GALM: variants seen among roughly 807,000 people sequenced by gnomAD.
The protein encoded by GALM is galactose mutarotase, also known as aldose 1-epimerase.
In GALM, 43 loss-of-function variants were observed where a neutral mutation model predicts 37.4. The ratio of observed to expected loss-of-function variants is 1.15; its 90% CI spans 0.90 to 1.48. The LOEUF is 1.48. Ranked by LOEUF, GALM falls within the 40% of genes most tolerant of loss-of-function variation. GALM has a pLI of 0.00. For synonymous variants in GALM, 199 were observed against 170.6 expected (o/e 1.17, Z -1.30); for missense variants, 456 against 419.1 (o/e 1.09, Z -0.77).
rs766959943 is a variant in GALM, at chr2:38,729,568, C to T, written c.647C>T (p.Pro216Leu). The T allele has an allele frequency of 1.2e-5, 20 of 1,613,084 alleles. No homozygotes were observed. In the East Asian group the frequency reaches 3.8e-4, roughly 31 times the overall value. Residue 216 changes from proline (P) to leucine (L), a missense_variant, in exon 5 of 7, where the codon CCA (proline) becomes CTA (leucine). Physicochemically the swap from Pro to Leu is moderately conservative, Grantham distance 98. Transcript: ENST00000272252. ...CTCTTCCCATCAGGAGAAGTTGCCC[C>T]AGTGCAAGGCACTGCATTCGACCTG... Reference protein sequence around the residue: ...ETLIPTGEVAPVQGTAFDLRK... With the variant: ...ETLIPTGEVALVQGTAFDLRK...
chr2:38,674,766 A>G (rs1293786500), intron 1 of GALM, among the ~76,000 whole-genome samples: 1 of 152,228 alleles, frequency 6.6e-6, no homozygotes, highest in Non-Finnish European at 1.5e-5. Context: ...AAAGGAGATT[A>G]CAAAGCAGTG....
At chr2:38,709,804 T>C (rs1666112592) in intron 4 of GALM, among the ~76,000 whole-genome samples, 1 of 152,230 alleles carries the variant, frequency 6.6e-6, no homozygotes, top group South Asian at 2.1e-4. Context: ...TGTTGTTTCC[T>C]AAAATAACAA....
At chr2:38,690,712 T>C (rs1665653721) in intron 4 of GALM, among the ~76,000 whole-genome samples, 1 of 152,142 alleles carries the variant, frequency 6.6e-6, no homozygotes. Context: ...GGATTACAGG[T>C]GTAAGCCACT....
At chr2:38,718,536 G>A (rs949178366) in intron 4 of GALM, among the ~76,000 whole-genome samples, 1 of 151,848 alleles carries the variant, frequency 6.6e-6, no homozygotes, top group Admixed American at 6.6e-5. Context: ...AATTATTGGA[G>A]AAAATTTCTT....
At chr2:38,716,656 T>G (rs1666274783) in intron 4 of GALM, among the ~76,000 whole-genome samples, 1 of 152,140 alleles carries the variant, frequency 6.6e-6, no homozygotes, top group African/African-American at 2.4e-5. Flanking sequence ...TTGTTCTCAA[T>G]TTAAAAATCA....
At chr2:38,696,580 C>T (rs35585199) in intron 4 of GALM, among the ~76,000 whole-genome samples, 11,165 of 151,516 alleles carry the variant, frequency 0.074, 579 homozygotes, top group South Asian at 0.22. Context: ...TACAGGTGCA[C>T]ATCACCATAC....
intron 4 of GALM, among the ~76,000 whole-genome samples, chr2:38,720,396 G>A (rs1387486431): frequency 7.7e-6 from 1 of 130,226 alleles, no homozygotes; most frequent in Non-Finnish European, 1.5e-5. Context: ...GTATAATCAC[G>A]TGAAGGCACT....
In GALM at chr2:38,666,607, G is replaced by A. The variant is rs532543670; in HGVS notation, c.190+256G>A. On this transcript the variant is annotated intron_variant, in intron 1 of 6. Transcript: ENST00000272252. The stretch of plus-strand genomic sequence containing the variant: ...TTGCCCCAGTTAACGTAAAAGGTCA[G>A]CTGATGGTATGATACACTTCAGCGA... Among the ~76,000 whole-genome samples, 7 of 152,372 alleles carry A rather than the reference G, an allele frequency of 4.6e-5. No individual in the cohort carries two copies. The South Asian group carries it at 1.2e-3, about 27-fold the overall frequency.
chr2:38,715,401 T>A (rs1476425841), intron 4 of GALM, among the ~76,000 whole-genome samples: 1 of 152,170 alleles, frequency 6.6e-6, no homozygotes, highest in African/African-American at 2.4e-5. Flanking sequence ...TGGTAAGTAA[T>A]TGGTGAAGTC....
intron 2 of GALM, among the ~76,000 whole-genome samples, chr2:38,677,869 A>G (rs558493631): frequency 1.3e-5 from 2 of 152,086 alleles, no homozygotes; most frequent in East Asian, 3.9e-4. Flanking sequence ...CAGAGAAGAC[A>G]GGAACATGTG....
chr2:38,717,600 G>A lies in GALM; in HGVS notation c.635-11956G>A, dbSNP rs183367708. Among the ~76,000 whole-genome samples, 616 of 151,930 alleles carry A rather than the reference G, an allele frequency of 4.1e-3. 5 individuals are homozygous for A. The highest frequency in any genetic ancestry group is 0.013 in the African/African-American group (526 of 41,424). The stretch of plus-strand genomic sequence containing the variant: ...TTTTTAGCAGAAACAGGGTTTTGCC[G>A]TGTTGGCCAGGCTGGTCTCGAACTC... On this transcript the variant is annotated intron_variant, in intron 4 of 6. Transcript: ENST00000272252.
In GALM at chr2:38,719,196, G is replaced by A. The variant is rs919151669; in HGVS notation, c.635-10360G>A. On this transcript the variant is annotated intron_variant, in intron 4 of 6. Coordinates refer to ENST00000272252, the MANE Select transcript of GALM (RefSeq NM_138801.3). ...CCTCCAAGATTAGGATCCTGGCTGG[G>A]CGCGGTGGCTCATGCCTGTAATCTC... Among the ~76,000 whole-genome samples, 8 of 151,902 alleles carry A rather than the reference G, an allele frequency of 5.3e-5. 1 individual carries two copies. The East Asian group carries it at 1.4e-3, about 26-fold the overall frequency.
rs146507048 is a variant in GALM at position 38,708,257 on chromosome 2, C to T, written c.634+18363C>T. Among the ~76,000 whole-genome samples, 477 of 151,850 alleles carry T rather than the reference C, an allele frequency of 3.1e-3. 1 individual carries two copies. Among genetic ancestry groups the T allele is most frequent in the African/African-American group, 0.011 (449 of 41,464 alleles). ...TAGGGGCTACAGTGAGCTGTGATCACGCCACTGCACTCCAGCTGGGTGACA... is the reference window on the plus strand; with the variant it reads ...TAGGGGCTACAGTGAGCTGTGATCATGCCACTGCACTCCAGCTGGGTGACA... On this transcript the variant is annotated intron_variant, in intron 4 of 6. Transcript: ENST00000272252.
At chr2:38,731,158 C>T (rs972055829) in intron 5 of GALM, among the ~76,000 whole-genome samples, 4 of 151,888 alleles carry the variant, frequency 2.6e-5, no homozygotes, top group Non-Finnish European at 4.4e-5. Context: ...ACCAAGGGGG[C>T]GGAGGTTGCA....
chr2:38,712,785 G>A (rs566226468), intron 4 of GALM, among the ~76,000 whole-genome samples: 1 of 152,312 alleles, frequency 6.6e-6, no homozygotes, highest in East Asian at 1.9e-4. Flanking sequence ...AGCGGAGGCT[G>A]GGGCTGGCCT....
At chr2:38,695,792 G>A (rs1487129020) in intron 4 of GALM, among the ~76,000 whole-genome samples, 1 of 152,016 alleles carries the variant, frequency 6.6e-6, no homozygotes, top group South Asian at 2.1e-4. Flanking sequence ...CACCTCCCGG[G>A]TTCAAGTGCT....
Position 38,675,987 on chromosome 2 carries a change from A to C in GALM, c.266A>C (p.Lys89Thr), listed in dbSNP as rs1166529854. ...AACCGAATCGCCAAAGGAACCTTCA[A>C]GGTGGATGGGAAGGAGTATCACCTG... ...VANRIAKGTF[K>T]VDGKEYHLAI... The change falls in exon 2 of 7, where the codon AAG (lysine) becomes ACG (threonine). Residue 89 changes from lysine (K) to threonine (T), a missense_variant. Lys to Thr is a moderately conservative substitution (Grantham distance 78). Transcript: ENST00000272252. The C allele has an allele frequency of 5.0e-6, 8 of 1,613,946 alleles. No homozygotes were observed. The highest frequency in any genetic ancestry group is 2.2e-5 in the East Asian group (1 of 44,888).
In GALM at chr2:38,676,076, G is replaced by C; in HGVS notation, c.345+10G>C. ...CAGAGGGTTTGATAAAGTAAGTACG[G>C]CACATGTGACTGAGTTCCCTTTAGG... On this transcript the variant is annotated intron_variant, in intron 2 of 6. Coordinates refer to ENST00000272252, the MANE Select transcript of GALM (RefSeq NM_138801.3). The C allele has an allele frequency of 6.2e-7, 1 of 1,613,578 alleles. No homozygotes were observed. The highest frequency in any genetic ancestry group is 2.2e-5 in the East Asian group (1 of 44,846).
At chr2:38,702,628 T>C (rs1344359104) in intron 4 of GALM, among the ~76,000 whole-genome samples, 1 of 152,164 alleles carries the variant, frequency 6.6e-6, no homozygotes, top group Non-Finnish European at 1.5e-5. Flanking sequence ...TTAGAATTCA[T>C]GATGTGGCCA....
Sources: allele counts gnomAD v4.1 joint callset (sites outside exome capture counted in the v4.1 genomes callset), GRCh38; gene constraint gnomAD v4.1.1; transcripts MANE v1.5; gene names NCBI Gene and HGNC (gene_info 2026-07-23, HGNC 2026-07-21).